PCM1: variants seen among roughly 807,000 people sequenced by gnomAD.
PCM1 encodes pericentriolar material 1 protein.
Under a neutral mutation model 241.9 loss-of-function variants are expected in PCM1, and 157 were observed. That is an observed-to-expected ratio of 0.65 (90% CI 0.57 to 0.74). The LOEUF is 0.74. Ranked by LOEUF, PCM1 falls within the 30% of genes least tolerant of loss-of-function variation. PCM1 has a pLI of 0.00. For missense variants in PCM1, 3,478 were observed against 2,360.1 expected, an observed-to-expected ratio of 1.47 and a Z score of -9.81; for synonymous variants, 1,085 against 784.9, an observed-to-expected ratio of 1.38 and a Z score of -6.39.
chr8:17,976,185 A>T (rs137864750), intron 23 of PCM1, among the ~76,000 whole-genome samples: 8 of 152,342 alleles, frequency 5.3e-5, no homozygotes, highest in African/African-American at 1.7e-4. Context: ...ACAACTAGTC[A>T]ACTTTTTGAA....
In PCM1 at chr8:18,025,427, C is replaced by T. The variant is rs768681019; in HGVS notation, c.5908C>T (p.Pro1970Ser). 1 of 1,598,524 alleles carries T rather than the reference C, an allele frequency of 6.3e-7. No homozygotes were observed. The change falls in exon 37 of 39, where the codon CCA becomes TCA. Residue 1970 changes from proline (P) to serine (S), a missense_variant. Coordinates refer to ENST00000325083, the MANE Select transcript of PCM1 (RefSeq NM_006197.4). ...EEDFVKVEDL[P>S]LKLTIYSEAD... Reference sequence around the variant, plus strand: ...AGATTTTGTAAAAGTTGAAGATTTACCACTGAAACTGACAATATATTCAGA... The same window carrying T: ...AGATTTTGTAAAAGTTGAAGATTTATCACTGAAACTGACAATATATTCAGA...
rs1000857007 is a variant in PCM1 at position 17,998,200 on chromosome 8, TG to T, written c.4827+4583del. 2.6e-5 allele frequency among the ~76,000 whole-genome samples: 4 copies of T among 152,136 alleles called. No individual in the cohort carries two copies. The East Asian group carries it at 7.7e-4, about 29-fold the overall frequency. The stretch of plus-strand genomic sequence containing the variant: ...GTCCCTTTGTTGAGGTCATGATTTT[TG>T]GTCCCTTTGTTGAGGTCGTGATTTT... On this transcript the variant is annotated intron_variant, in intron 29 of 38. Transcript: ENST00000325083.
At chr8:17,970,432 T>A (rs2076453624) in intron 22 of PCM1, among the ~76,000 whole-genome samples, 1 of 83,780 alleles carries the variant, frequency 1.2e-5, no homozygotes, top group Non-Finnish European at 2.3e-5. Flanking sequence ...TTAACTGGGA[T>A]TTTTTTTTTT....
intron 36 of PCM1, among the ~76,000 whole-genome samples, chr8:18,024,226 C>T (rs556218788): frequency 7.9e-5 from 12 of 152,040 alleles, no homozygotes; most frequent in Non-Finnish European, 1.3e-4. Context: ...ATTAGCCAGG[C>T]GTGAGAGTGC....
At position 17,963,113 on chromosome 8, in the gene PCM1, A is replaced by T. The variant is rs1181040463; in HGVS notation, c.2476A>T (p.Met826Leu). 1 of 1,609,012 alleles carries T rather than the reference A, an allele frequency of 6.2e-7. No individual in the cohort carries two copies. Among genetic ancestry groups the T allele is most frequent in the Admixed American group, 1.7e-5 (1 of 59,120 alleles). The change falls in exon 17 of 39, where the codon ATG becomes TTG. Residue 826 changes from methionine to leucine, a missense_variant. Physicochemically the swap from Met to Leu is conservative, Grantham distance 15. Transcript: ENST00000325083. ...SIVDNELWSEMRRHEMLREEL... is the reference protein window; with the variant it reads ...SIVDNELWSELRRHEMLREEL... ...TTAAAAAAAATAGTTGTGGTCAGAA[A>T]TGAGAAGACATGAAATGTTGAGGGA...
At chr8:17,926,440 C>G (rs2056986877) in intron 2 of PCM1, 1 of 152,172 alleles carries the variant, frequency 6.6e-6, no homozygotes, top group African/African-American at 2.4e-5. Context: ...ACAGATAAAA[C>G]AGTGTGCAAA....
chr8:18,017,371 A>G (rs1490340714), intron 36 of PCM1, among the ~76,000 whole-genome samples: 1 of 152,262 alleles, frequency 6.6e-6, no homozygotes. Flanking sequence ...ATTAAAAAAC[A>G]CAAGATTGGA....
intron 36 of PCM1, among the ~76,000 whole-genome samples, chr8:18,019,928 C>T (rs2093623939): frequency 6.6e-6 from 1 of 152,090 alleles, no homozygotes; most frequent in South Asian, 2.1e-4. Context: ...CCAAGGGTTC[C>T]CTAGGCCCAC....
At chr8:17,939,971 C>T in intron 6 of PCM1, 110 bp downstream of exon 6, 4 of 1,205,732 alleles carry the variant, frequency 3.3e-6, no homozygotes, top group Admixed American at 2.0e-5. Context: ...TTCAAAAAAT[C>T]ATGCCATCCA....
Position 17,939,013 on chromosome 8 carries a change from A to G in PCM1, c.612+4A>G. On this transcript the variant is annotated splice_donor_region_variant and intron_variant, in intron 5 of 38. Coordinates refer to ENST00000325083, the MANE Select transcript of PCM1 (RefSeq NM_006197.4). ...ACCTGCAATGGAGAGCAGCCAGGTG[A>G]TAACGTTTGTTTCTTTTGCTCATTC... 6.2e-7 allele frequency: 1 copy of G among 1,613,132 alleles called. No individual in the cohort carries two copies.
chr8:18,018,848 GTGTGTATATATATA>G (rs1159862933), intron 36 of PCM1, among the ~76,000 whole-genome samples: 14 of 36,298 alleles, frequency 3.9e-4, no homozygotes, highest in Non-Finnish European at 8.8e-4. Context: ...ATGTGTGTGT[GTGTGTATATATATA>G]TATATATATA....
At chr8:17,977,475 C>T (rs990860269) in intron 23 of PCM1, among the ~76,000 whole-genome samples, 1 of 152,098 alleles carries the variant, frequency 6.6e-6, no homozygotes, top group Non-Finnish European at 1.5e-5. Flanking sequence ...TAGACCTGTG[C>T]GGTGATCTGG....
Position 17,974,330 on chromosome 8 carries a change from G to GAGAT in PCM1, c.3943+1644_3943+1647dup, listed in dbSNP as rs1378304804. 2.0e-5 allele frequency among the ~76,000 whole-genome samples: 3 copies of GAGAT among 152,186 alleles called. No homozygotes were observed. The East Asian group carries it at 5.8e-4, about 29-fold the overall frequency. On this transcript the variant is annotated intron_variant, in intron 23 of 38. Coordinates refer to ENST00000325083, the MANE Select transcript of PCM1 (RefSeq NM_006197.4). ...TATTTCCTAGTGCTTTGCCCTCACA[G>GAGAT]AGATGCTCTTTGTCATATAAATAAA...
At chr8:17,970,319 A>G (rs942772385) in intron 22 of PCM1, among the ~76,000 whole-genome samples, 1 of 152,088 alleles carries the variant, frequency 6.6e-6, no homozygotes, top group Non-Finnish European at 1.5e-5. Flanking sequence ...TTCCTACTCC[A>G]TAAAAATATA....
intron 2 of PCM1, among the ~76,000 whole-genome samples, chr8:17,930,589 G>C (rs2058676251): frequency 6.6e-6 from 1 of 151,926 alleles, no homozygotes; most frequent in Admixed American, 6.6e-5. Flanking sequence ...GGGAAATGTT[G>C]TGAATGTGGC....
intron 36 of PCM1, chr8:18,015,838 C>G (rs1440275897): frequency 6.6e-6 from 1 of 152,198 alleles, no homozygotes; most frequent in Non-Finnish European, 1.5e-5. Context: ...CTGGGTAAGT[C>G]CCTCTCGGAT....
intron 26 of PCM1, 153 bp downstream of exon 26, chr8:17,986,240 G>A (rs1211110068): frequency 1.2e-5 from 6 of 487,486 alleles, no homozygotes; most frequent in African/African-American, 4.0e-5. Flanking sequence ...TTATTTTGAG[G>A]GCGAGATATA....
At chr8:18,026,323 C>T (rs1349775616) in intron 38 of PCM1, among the ~76,000 whole-genome samples, 11 of 138,044 alleles carry the variant, frequency 8.0e-5, no homozygotes, top group African/African-American at 2.4e-4. Flanking sequence ...GGTGTGATCT[C>T]AGCTCACTGC....
intron 36 of PCM1, among the ~76,000 whole-genome samples, chr8:18,020,648 G>A (rs1450601517): frequency 6.6e-6 from 1 of 152,144 alleles, no homozygotes; most frequent in Non-Finnish European, 1.5e-5. Context: ...CTGTAGAGAA[G>A]AAATACTGAG....
Sources: allele counts gnomAD v4.1 joint callset (sites outside exome capture counted in the v4.1 genomes callset), GRCh38; gene constraint gnomAD v4.1.1; transcripts MANE v1.5; gene names NCBI Gene and HGNC (gene_info 2026-07-23, HGNC 2026-07-21).